NYAP2: variants seen among roughly 807,000 people sequenced by gnomAD.
NYAP2 encodes neuronal tyrosine-phosphorylated phosphoinositide-3-kinase adapter 2.
NYAP2 carries 23 observed loss-of-function variants against 50.4 expected under a neutral mutation model. That is an observed-to-expected ratio of 0.46 (90% CI 0.33 to 0.65). The LOEUF is 0.65. Among genes scored for constraint, NYAP2 ranks in the 30% least tolerant of loss-of-function variants. The probability of loss-of-function intolerance (pLI) is 0.02; values close to 1 mark genes in which losing one functional copy is unlikely to be tolerated. For synonymous variants in NYAP2, 394 were observed against 365.2 expected (o/e 1.08, Z -0.90); for missense variants, 885 against 861.0 (o/e 1.03, Z -0.35).
At chr2:225,478,119 A>G (rs1263595116) in intron 3 of NYAP2, among the ~76,000 whole-genome samples, 2 of 152,200 alleles carry the variant, frequency 1.3e-5, no homozygotes, top group East Asian at 3.9e-4. Context: ...TAGGAAGTTT[A>G]ATCGGGTGCT....
At chr2:225,419,541 CATA>C (rs1695182856) in intron 3 of NYAP2, among the ~76,000 whole-genome samples, 1 of 152,118 alleles carries the variant, frequency 6.6e-6, no homozygotes, top group Non-Finnish European at 1.5e-5. Context: ...TAGTGAGATT[CATA>C]ATGAGTCCCT....
intron 3 of NYAP2, 144 bp downstream of exon 3, chr2:225,409,245 A>C (rs1004768960): frequency 3.3e-6 from 2 of 614,354 alleles, no homozygotes; most frequent in Non-Finnish European, 5.6e-6. Context: ...CGACCCCTCA[A>C]CTATAACAAA....
At chr2:225,578,045 C>T (rs1167001752) in intron 4 of NYAP2, among the ~76,000 whole-genome samples, 1 of 152,062 alleles carries the variant, frequency 6.6e-6, no homozygotes. Context: ...TATTCTCCTG[C>T]CTCAGCCTCT....
At chr2:225,570,127 T>A (rs1299016354) in intron 4 of NYAP2, among the ~76,000 whole-genome samples, 2 of 152,144 alleles carry the variant, frequency 1.3e-5, no homozygotes. Context: ...AATGCAAATA[T>A]CAAACTAGAA....
At chr2:225,677,706 T>C in the NYAP2 span, among the ~76,000 whole-genome samples, 1 of 152,214 alleles carries the variant, frequency 6.6e-6, no homozygotes, top group Non-Finnish European at 1.5e-5. Context: ...GTTTGTGTGG[T>C]GAATCATATT....
intron 3 of NYAP2, among the ~76,000 whole-genome samples, chr2:225,443,187 G>A (rs890251265): frequency 1.3e-5 from 2 of 152,154 alleles, no homozygotes; most frequent in African/African-American, 4.8e-5. Flanking sequence ...TATCACACTT[G>A]TAAACTATTT....
the NYAP2 span, among the ~76,000 whole-genome samples, chr2:225,674,508 C>T: frequency 6.6e-6 from 1 of 151,942 alleles, no homozygotes; most frequent in Non-Finnish European, 1.5e-5. Context: ...ATGTGAGGGG[C>T]AGAAGTGTGT....
intron 6 of NYAP2, among the ~76,000 whole-genome samples, chr2:225,641,392 A>G (rs1208784646): frequency 6.7e-6 from 1 of 149,650 alleles, no homozygotes; most frequent in South Asian, 2.1e-4. Context: ...ATTGTCATCT[A>G]CTGTCCAACA....
chr2:225,469,794 GA>G (rs1388507296), intron 3 of NYAP2, among the ~76,000 whole-genome samples: 1 of 151,934 alleles, frequency 6.6e-6, no homozygotes, highest in Non-Finnish European at 1.5e-5. Context: ...AATTGGAGTT[GA>G]ACAATGAGAA....
chr2:225,473,398 T>G lies in NYAP2; in HGVS notation c.222-39973T>G, dbSNP rs556155910. On this transcript the variant is annotated intron_variant, in intron 3 of 6. Coordinates refer to ENST00000636099, the Ensembl canonical transcript of NYAP2. ...GGAATCGCCACACTGTCTTCCACAA[T>G]GGTTGAACTAGTTCACAGTCCCACC... is the stretch of plus-strand genomic sequence containing the variant. Among the ~76,000 whole-genome samples, 28 of 152,136 alleles carry G rather than the reference T, an allele frequency of 1.8e-4. No individual in the cohort carries two copies. The East Asian group carries it at 5.4e-3, about 29-fold the overall frequency.
At chr2:225,616,358 G>A (rs1408835052) in intron 5 of NYAP2, among the ~76,000 whole-genome samples, 1 of 152,222 alleles carries the variant, frequency 6.6e-6, no homozygotes, top group Non-Finnish European at 1.5e-5. Context: ...CTTTCATGGT[G>A]GAGGCACAGG....
At chr2:225,568,956 T>C (rs948185394) in intron 4 of NYAP2, among the ~76,000 whole-genome samples, 1 of 152,222 alleles carries the variant, frequency 6.6e-6, no homozygotes, top group African/African-American at 2.4e-5. Context: ...AAACAAACTT[T>C]ATTTTAATGT....
chr2:225,565,177 C>T (rs1043538373), intron 4 of NYAP2, among the ~76,000 whole-genome samples: 3 of 151,818 alleles, frequency 2.0e-5, no homozygotes, highest in African/African-American at 7.3e-5. Flanking sequence ...GTTGAATTTT[C>T]TATTGTCATG....
At chr2:225,635,741 G>T (rs1300668008) in intron 6 of NYAP2, among the ~76,000 whole-genome samples, 1 of 152,184 alleles carries the variant, frequency 6.6e-6, no homozygotes, top group Non-Finnish European at 1.5e-5. Flanking sequence ...TGCATTTATA[G>T]ATGGAATTTG....
At chr2:225,401,292 T>G (rs1306946635) in intron 2 of NYAP2, among the ~76,000 whole-genome samples, 1 of 152,118 alleles carries the variant, frequency 6.6e-6, no homozygotes, top group Non-Finnish European at 1.5e-5. Flanking sequence ...AACTAGATTT[T>G]CATTAGTAAA....
intron 3 of NYAP2, among the ~76,000 whole-genome samples, chr2:225,476,907 G>T (rs537300055): frequency 6.6e-6 from 1 of 152,050 alleles, no homozygotes; most frequent in South Asian, 2.1e-4. Context: ...TTGTATAATT[G>T]ACTTTAAAAA....
At chr2:225,700,818 T>G in the NYAP2 span, 4 of 151,806 alleles carry the variant, frequency 2.6e-5, no homozygotes, top group Admixed American at 1.3e-4. Context: ...TCACTCTGAT[T>G]TAGGCAGAAA....
At position 225,609,212 on chromosome 2, in the gene NYAP2, T is replaced by C. The variant is rs184923733; in HGVS notation, c.1619-17705T>C. On this transcript the variant is annotated intron_variant, in intron 5 of 6. Coordinates refer to ENST00000636099, the Ensembl canonical transcript of NYAP2. The stretch of plus-strand genomic sequence containing the variant: ...GGAAAATTATAGGTATTATAATACT[T>C]GTAATCTGAATGAACAAACCGAGGA... Among the ~76,000 whole-genome samples the C allele has an allele frequency of 2.7e-3, 412 of 152,236 alleles. 5 individuals are homozygous for C. The highest frequency in any genetic ancestry group is 6.8e-3 in the Middle Eastern group (2 of 294).
chr2:225,500,720 A>G (rs1186758150), intron 3 of NYAP2, among the ~76,000 whole-genome samples: 1 of 152,168 alleles, frequency 6.6e-6, no homozygotes, highest in Non-Finnish European at 1.5e-5. Context: ...AAACTTTTTT[A>G]TCTCAGTCTT....
Sources: gnomAD v4.1 joint callset for allele counts (sites outside exome capture counted in the v4.1 genomes callset) on GRCh38, gnomAD v4.1.1 for gene constraint, MANE v1.5 for transcripts, NCBI Gene and HGNC (gene_info 2026-07-23, HGNC 2026-07-21) for gene names.